The following PDSS2 variants were observed in gnomAD, a reference collection of about 807,000 sequenced individuals.
PDSS2 encodes all trans-polyprenyl-diphosphate synthase PDSS2.
PDSS2 carries 31 observed loss-of-function variants against 44.5 expected under a neutral mutation model. That is an observed-to-expected ratio of 0.70 (90% CI 0.52 to 0.94). PDSS2 has a LOEUF of 0.94. Ranked by LOEUF, PDSS2 falls within the 40% of genes least tolerant of loss-of-function variation. The pLI is 0.00. For missense variants in PDSS2, 452 were observed against 482.2 expected (o/e 0.94, Z 0.59); for synonymous variants, 157 against 180.3 (o/e 0.87, Z 1.03).
chr6:107,394,219 T>C (rs1006384086), intron 1 of PDSS2, among the ~76,000 whole-genome samples: 13 of 152,156 alleles, frequency 8.5e-5, no homozygotes, highest in Non-Finnish European at 1.6e-4. Flanking sequence ...ATTTGGAGTA[T>C]ATGTATTTTA....
intron 1 of PDSS2, among the ~76,000 whole-genome samples, chr6:107,358,763 C>T (rs1014622384): frequency 2.6e-5 from 4 of 152,048 alleles, no homozygotes; most frequent in African/African-American, 7.2e-5. Context: ...GGAGGGGCTG[C>T]GCATTACAGG....
chr6:107,394,630 A>C (rs190408964), intron 1 of PDSS2, among the ~76,000 whole-genome samples: 78 of 152,332 alleles, frequency 5.1e-4, no homozygotes, highest in African/African-American at 1.8e-3. Context: ...GTGGGGACAC[A>C]GATCCAAACC....
intron 1 of PDSS2, among the ~76,000 whole-genome samples, chr6:107,394,936 T>C (rs140137435): frequency 1.4e-4 from 22 of 152,312 alleles, no homozygotes; most frequent in African/African-American, 5.1e-4. Flanking sequence ...TTAGGTATCG[T>C]TTCCCTTCTT....
chr6:107,172,857 A>G (rs9373928), intron 7 of PDSS2, among the ~76,000 whole-genome samples: 103,346 of 150,422 alleles, frequency 0.69, 35,812 homozygotes, highest in Non-Finnish European at 0.72. Flanking sequence ...TGGGCACGGC[A>G]GCTCACGCTT....
chr6:107,235,116 T>A (rs1029650901), intron 4 of PDSS2, among the ~76,000 whole-genome samples: 2 of 152,190 alleles, frequency 1.3e-5, no homozygotes, highest in African/African-American at 4.8e-5. Context: ...AATGCCAGGA[T>A]GCAGAGGAAA....
intron 7 of PDSS2, among the ~76,000 whole-genome samples, chr6:107,177,332 T>C (rs956495377): frequency 5.3e-5 from 8 of 152,138 alleles, no homozygotes; most frequent in Non-Finnish European, 8.8e-5. Flanking sequence ...GGTTTTGCCA[T>C]GTTGGTCAGG....
At chr6:107,352,792 G>A (rs1035575198) in intron 1 of PDSS2, among the ~76,000 whole-genome samples, 4 of 152,124 alleles carry the variant, frequency 2.6e-5, no homozygotes, top group Non-Finnish European at 4.4e-5. Context: ...TGGGGGTGGA[G>A]GGGTACTAGT....
At chr6:107,387,550 C>T (rs976284375) in intron 1 of PDSS2, among the ~76,000 whole-genome samples, 1 of 152,306 alleles carries the variant, frequency 6.6e-6, no homozygotes. Flanking sequence ...TTACCCAAGG[C>T]TAATATGCAG....
chr6:107,447,942 AT>A (rs1257687889), intron 1 of PDSS2, among the ~76,000 whole-genome samples: 2 of 152,192 alleles, frequency 1.3e-5, no homozygotes, highest in Admixed American at 1.3e-4. Context: ...TCTTCTACAC[AT>A]CTCAAGCTCA....
Position 107,334,305 on chromosome 6 carries a change from G to A in PDSS2, c.324C>T (p.Ser108=). ...ARGLVHDSWN[S]LQLRGLVVLL... ...GCACCACCAAGCCCCTCAACTGGAG[G>A]CTATTCCAGCTGTCATGTACAAGCC... Residue 108 remains serine, a synonymous_variant, in exon 2 of 8, where the codon AGC becomes AGT. Coordinates refer to ENST00000369037, the MANE Select transcript of PDSS2 (RefSeq NM_020381.4). The A allele has an allele frequency of 1.2e-6, 2 of 1,613,354 alleles. No individual in the cohort carries two copies. The highest frequency in any genetic ancestry group is 1.7e-6 in the Non-Finnish European group (2 of 1,179,542).
chr6:107,218,535 C>T (rs1773493301), intron 4 of PDSS2, among the ~76,000 whole-genome samples: 1 of 152,170 alleles, frequency 6.6e-6, no homozygotes, highest in South Asian at 2.1e-4. Context: ...TACTGGACCA[C>T]TCATATACTT....
chr6:107,431,607 G>A (rs1004148733), intron 1 of PDSS2, among the ~76,000 whole-genome samples: 2 of 151,986 alleles, frequency 1.3e-5, no homozygotes, highest in Non-Finnish European at 2.9e-5. Flanking sequence ...TATTTGTACA[G>A]TACAGCATAC....
intron 2 of PDSS2, among the ~76,000 whole-genome samples, chr6:107,318,892 G>A (rs905183480): frequency 1.3e-5 from 2 of 152,210 alleles, no homozygotes; most frequent in East Asian, 3.9e-4. Flanking sequence ...GGAGGCTGAG[G>A]CAGGAGAATC....
At chr6:107,304,805 C>T (rs770174204) in intron 2 of PDSS2, among the ~76,000 whole-genome samples, 1 of 152,274 alleles carries the variant, frequency 6.6e-6, no homozygotes, top group Admixed American at 6.5e-5. Flanking sequence ...AAGTGAGTCA[C>T]CCACAAAGCA....
At chr6:107,383,298 C>CA (rs35910650) in intron 1 of PDSS2, among the ~76,000 whole-genome samples, 906 of 28,432 alleles carry the variant, frequency 0.032, 149 homozygotes, top group African/African-American at 0.072. Context: ...GACTCCATCT[C>CA]AAAAAAAAAA....
chr6:107,292,980 C>A (rs1479751884), intron 2 of PDSS2, among the ~76,000 whole-genome samples: 2 of 152,252 alleles, frequency 1.3e-5, no homozygotes, highest in Non-Finnish European at 2.9e-5. Flanking sequence ...CGGCGGCTGT[C>A]ACTGTCAGGG....
chr6:107,169,030 C>T (rs1455665681), intron 7 of PDSS2, among the ~76,000 whole-genome samples: 2 of 152,122 alleles, frequency 1.3e-5, no homozygotes, highest in African/African-American at 4.8e-5. Flanking sequence ...GCCTGCCTCG[C>T]TAGGTTGGGG....
At chr6:107,286,136 T>TAAAATAAAAAAA (rs67225192) in intron 2 of PDSS2, among the ~76,000 whole-genome samples, 15 of 128,732 alleles carry the variant, frequency 1.2e-4, no homozygotes, top group East Asian at 2.4e-4. Flanking sequence ...CGTCGCAAAA[T>TAAAATAAAAAAA]AAAAAAAAAA....
intron 2 of PDSS2, among the ~76,000 whole-genome samples, chr6:107,300,015 T>G (rs1387663274): frequency 6.6e-6 from 1 of 151,346 alleles, no homozygotes; most frequent in East Asian, 1.9e-4. Context: ...ATACCCATAC[T>G]CACCTGGTAA....
Sources: gnomAD v4.1 joint callset for allele counts (sites outside exome capture counted in the v4.1 genomes callset) on GRCh38, gnomAD v4.1.1 for gene constraint, MANE v1.5 for transcripts, NCBI Gene and HGNC (gene_info 2026-07-23, HGNC 2026-07-21) for gene names.